RAB31: variants seen among roughly 807,000 people sequenced by gnomAD.
The protein encoded by RAB31 is ras-related protein Rab-31.
A neutral mutation model predicts 25.6 loss-of-function variants in RAB31; 21 were observed. The ratio of observed to expected loss-of-function variants is 0.82; its 90% CI spans 0.58 to 1.18. The LOEUF (loss-of-function observed/expected upper bound fraction) is 1.18. Ranked by LOEUF, RAB31 falls within the 50% of genes most tolerant of loss-of-function variation. The pLI is 0.00. For missense variants in RAB31, 196 were observed against 250.1 expected, an observed-to-expected ratio of 0.78 and a Z score of 1.46; for synonymous variants, 87 against 84.0, an observed-to-expected ratio of 1.04 and a Z score of -0.20.
At chr18:9,748,220 G>C (rs893879703) in intron 1 of RAB31, among the ~76,000 whole-genome samples, 1 of 152,122 alleles carries the variant, frequency 6.6e-6, no homozygotes, top group Non-Finnish European at 1.5e-5. Flanking sequence ...TATTTGTCTG[G>C]GTGCAGTGGC....
chr18:9,765,924 C>G (rs1158586310), intron 1 of RAB31, among the ~76,000 whole-genome samples: 1 of 138,412 alleles, frequency 7.2e-6, no homozygotes, highest in East Asian at 2.2e-4. Context: ...TGCTTTGTAA[C>G]AAACCTAGTG....
chr18:9,727,486 T>G (rs1367574571), intron 1 of RAB31, among the ~76,000 whole-genome samples: 1 of 152,144 alleles, frequency 6.6e-6, no homozygotes, highest in African/African-American at 2.4e-5. Flanking sequence ...GGCTAATTTT[T>G]AAATTTTTTG....
chr18:9,839,353 C>T (rs1057468899), intron 5 of RAB31, among the ~76,000 whole-genome samples: 7 of 152,148 alleles, frequency 4.6e-5, no homozygotes, highest in Non-Finnish European at 1.0e-4. Context: ...CCTGCTAAGG[C>T]GTTGGTTTGA....
At chr18:9,775,945 T>C (rs146955577) in intron 2 of RAB31, among the ~76,000 whole-genome samples, 1,579 of 152,172 alleles carry the variant, frequency 0.01, 31 homozygotes, top group African/African-American at 0.036. Context: ...CGCACCACCA[T>C]GCCTGGCTAT....
At chr18:9,823,974 C>T (rs1158207906) in intron 5 of RAB31, among the ~76,000 whole-genome samples, 3 of 152,136 alleles carry the variant, frequency 2.0e-5, no homozygotes, top group Non-Finnish European at 2.9e-5. Context: ...GTGGGGGAAT[C>T]GGTTCTTGGT....
chr18:9,853,846 CA>C (rs1036401502), intron 6 of RAB31, among the ~76,000 whole-genome samples: 2 of 150,074 alleles, frequency 1.3e-5, no homozygotes, highest in African/African-American at 4.9e-5. Context: ...AAAAACTGCT[CA>C]AAAAATAAAT....
At chr18:9,786,851 T>C (rs527797479) in intron 2 of RAB31, 1 of 152,588 alleles carries the variant, frequency 6.6e-6, no homozygotes, top group African/African-American at 2.4e-5. Flanking sequence ...CACAGTGTCA[T>C]TGGAAAGACG....
At chr18:9,769,350 A>G (rs1010399918) in intron 1 of RAB31, among the ~76,000 whole-genome samples, 1 of 152,054 alleles carries the variant, frequency 6.6e-6, no homozygotes, top group African/African-American at 2.4e-5. Context: ...TTCCATTTGT[A>G]TGTGTCCTCT....
chr18:9,723,469 C>G (rs2068082243), intron 1 of RAB31: 1 of 152,132 alleles, frequency 6.6e-6, no homozygotes, highest in African/African-American at 2.4e-5. Flanking sequence ...AAAAATACCT[C>G]TATTTAAAAA....
Position 9,762,355 on chromosome 18 carries a change from A to T in RAB31, c.40-12923A>T, listed in dbSNP as rs561747000. Among the ~76,000 whole-genome samples, 6 of 152,340 alleles carry T rather than the reference A, an allele frequency of 3.9e-5. No individual in the cohort carries two copies. The South Asian group carries it at 1.2e-3, about 32-fold the overall frequency. On this transcript the variant is annotated intron_variant, in intron 1 of 6. Coordinates refer to ENST00000578921, the MANE Select transcript of RAB31 (RefSeq NM_006868.4). ...AAATTGCAGAATGTAGCAATAAAAA[A>T]TCCAAAGTTTGGAGCGTGGTGCCTT...
intron 1 of RAB31, among the ~76,000 whole-genome samples, chr18:9,734,098 G>GGGGAGGAGGGA (rs2068137361): frequency 7.3e-6 from 1 of 137,244 alleles, no homozygotes; most frequent in Non-Finnish European, 1.6e-5. Context: ...GCAGGGTGGC[G>GGGGAGGAGGGA]GGGAGGAGGG....
intron 3 of RAB31, among the ~76,000 whole-genome samples, chr18:9,793,509 A>T (rs915463072): frequency 6.6e-6 from 1 of 152,086 alleles, no homozygotes; most frequent in Non-Finnish European, 1.5e-5. Context: ...AAAAATACAA[A>T]AAATTAGCCA....
At chr18:9,791,399 T>C (rs2068458971) in intron 2 of RAB31, among the ~76,000 whole-genome samples, 1 of 128,540 alleles carries the variant, frequency 7.8e-6, no homozygotes, top group Non-Finnish European at 1.7e-5. Flanking sequence ...TTTTTTTTTT[T>C]TTTTTTTTTT....
At chr18:9,737,475 A>G (rs2145469604) in intron 1 of RAB31, among the ~76,000 whole-genome samples, 1 of 152,350 alleles carries the variant, frequency 6.6e-6, no homozygotes, top group African/African-American at 2.4e-5. Flanking sequence ...TTTAGAGTAT[A>G]AAGCTGTTTT....
intron 5 of RAB31, among the ~76,000 whole-genome samples, chr18:9,839,244 A>G (rs959593508): frequency 3.3e-5 from 5 of 152,092 alleles, no homozygotes; most frequent in Non-Finnish European, 7.4e-5. Context: ...GAACAGGGAG[A>G]AGTGGGTGCA....
At chr18:9,802,236 G>T (rs1198444276) in intron 3 of RAB31, among the ~76,000 whole-genome samples, 1 of 152,188 alleles carries the variant, frequency 6.6e-6, no homozygotes, top group Non-Finnish European at 1.5e-5. Flanking sequence ...TTTTGGTCAG[G>T]ATTATGTTGA....
chr18:9,780,996 G>A (rs189983581), intron 2 of RAB31, among the ~76,000 whole-genome samples: 133 of 152,158 alleles, frequency 8.7e-4, no homozygotes, highest in African/African-American at 2.8e-3. Flanking sequence ...GATGTACCTC[G>A]TTGGGCATAG....
intron 5 of RAB31, among the ~76,000 whole-genome samples, chr18:9,833,883 G>C (rs2143113069): frequency 6.6e-6 from 1 of 152,244 alleles, no homozygotes. Flanking sequence ...CAGAATTCTT[G>C]GGTCTTCTGT....
chr18:9,818,992 C>T (rs950094917), intron 5 of RAB31, among the ~76,000 whole-genome samples: 1 of 152,078 alleles, frequency 6.6e-6, no homozygotes, highest in Non-Finnish European at 1.5e-5. Context: ...TTTTTATTAT[C>T]GAGTTGTAAG....
Sources: allele counts gnomAD v4.1 joint callset (sites outside exome capture counted in the v4.1 genomes callset), GRCh38; gene constraint gnomAD v4.1.1; transcripts MANE v1.5; gene names NCBI Gene and HGNC (gene_info 2026-07-23, HGNC 2026-07-21).